SERINC3: variants seen among roughly 807,000 people sequenced by gnomAD.
SERINC3 encodes serine incorporator 3.
Under a neutral mutation model 52.1 loss-of-function variants are expected in SERINC3, and 22 were observed. That is an observed-to-expected ratio of 0.42 (90% CI 0.30 to 0.60). The LOEUF (loss-of-function observed/expected upper bound fraction) is 0.60. SERINC3 is among the 20% of genes least tolerant of loss of function. SERINC3 has a pLI of 0.16. For missense variants in SERINC3, 564 were observed against 584.6 expected, an observed-to-expected ratio of 0.96 and a Z score of 0.36; for synonymous variants, 226 against 212.7, an observed-to-expected ratio of 1.06 and a Z score of -0.54.
chr20:44,501,975 A>C (rs1438377905), intron 8 of SERINC3, among the ~76,000 whole-genome samples: 1 of 152,248 alleles, frequency 6.6e-6, no homozygotes, highest in Non-Finnish European at 1.5e-5. Flanking sequence ...GTCAAAGTAG[A>C]ACTTCCTCAG....
chr20:44,507,065 C>T, intron 5 of SERINC3, 69 bp from the exon 6 acceptor site: 1 of 1,196,606 alleles, frequency 8.4e-7, no homozygotes, highest in Non-Finnish European at 1.1e-6. Flanking sequence ...CAATTTTCTT[C>T]CACTCCATAT....
At chr20:44,504,188 AAAC>A (rs773035726) in intron 7 of SERINC3, among the ~76,000 whole-genome samples, 193 bp from the exon 8 acceptor site, 2 of 152,208 alleles carry the variant, frequency 1.3e-5, no homozygotes, top group African/African-American at 2.4e-5. Context: ...AAAAAAAAGA[AAAC>A]AACAACAGAA....
chr20:44,498,681 A>G lies in SERINC3; in HGVS notation c.*1615T>C, dbSNP rs1023498077. On this transcript the variant is annotated 3_prime_UTR_variant, in exon 10 of 10. Coordinates refer to ENST00000342374, the MANE Select transcript of SERINC3 (RefSeq NM_006811.4). Reference sequence around the variant, plus strand: ...ATTCCACTTCTCTATTTCACATCTCATATGGACTGCACCTGGTCTCATCTC... The same window carrying G: ...ATTCCACTTCTCTATTTCACATCTCGTATGGACTGCACCTGGTCTCATCTC... 1.3e-5 allele frequency: 2 copies of G among 152,078 alleles called. No individual in the cohort carries two copies. The highest frequency in any genetic ancestry group is 2.9e-5 in the Non-Finnish European group (2 of 68,044). 9.4% of individuals were successfully genotyped at this position (152,078 alleles called of 1,614,324 possible). A position where few individuals can be genotyped will look rare whatever the true frequency, so the allele number is the denominator to read the frequency against.
chr20:44,510,041 A>G lies in SERINC3; in HGVS notation c.476-13T>C, dbSNP rs972021008. On this transcript the variant is annotated splice_polypyrimidine_tract_variant and intron_variant, in intron 4 of 9. Coordinates refer to ENST00000342374, the MANE Select transcript of SERINC3 (RefSeq NM_006811.4). ...ACAACAAACCAGACTACAAGAACCAAGAGAACAAAGTTATTCTCTACCATA... is the reference window on the plus strand; with the variant it reads ...ACAACAAACCAGACTACAAGAACCAGGAGAACAAAGTTATTCTCTACCATA... 3.7e-6 allele frequency: 6 copies of G among 1,613,338 alleles called. No individual in the cohort carries two copies. The African/African-American group carries it at 6.7e-5, about 18-fold the overall frequency.
intron 4 of SERINC3, 140 bp downstream of exon 4, chr20:44,511,149 G>A (rs763954744): frequency 1.9e-5 from 11 of 593,272 alleles, no homozygotes; most frequent in Non-Finnish European, 3.3e-5. Flanking sequence ...CCTGACCTCA[G>A]GTGATCCGCC....
intron 1 of SERINC3, among the ~76,000 whole-genome samples, chr20:44,517,470 T>C (rs752266813): frequency 2.0e-5 from 3 of 152,128 alleles, no homozygotes; most frequent in Non-Finnish European, 2.9e-5. Flanking sequence ...AATATAACTG[T>C]GTCCTTATAA....
At chr20:44,513,029 C>T (rs2064358413) in intron 2 of SERINC3, 35 bp from the exon 3 acceptor site, 2 of 1,413,988 alleles carry the variant, frequency 1.4e-6, no homozygotes, top group Non-Finnish European at 1.9e-6. Context: ...ACGAGAATAT[C>T]TACATTTAGA....
intron 7 of SERINC3, among the ~76,000 whole-genome samples, chr20:44,504,557 A>G (rs1367724377): frequency 1.3e-5 from 2 of 152,238 alleles, no homozygotes; most frequent in East Asian, 3.8e-4. Context: ...AGCCTAGGTT[A>G]GGTAAAGCCT....
intron 3 of SERINC3, among the ~76,000 whole-genome samples, chr20:44,511,708 C>G (rs545347437): frequency 7.2e-5 from 11 of 152,178 alleles, no homozygotes; most frequent in Non-Finnish European, 5.9e-5. Context: ...CAGCCATTAA[C>G]TGTTAAGGTC....
At position 44,506,864 on chromosome 20, in the gene SERINC3, A is replaced by G. The variant is rs750172297; in HGVS notation, c.746T>C (p.Val249Ala). 6 of 1,599,754 alleles carry G rather than the reference A, an allele frequency of 3.8e-6. No individual in the cohort carries two copies. Among genetic ancestry groups the G allele is most frequent in the Middle Eastern group, 1.7e-4 (1 of 6,044 alleles). ...GTGGATCGATATAATAGAAGCCACA[A>G]CGCAAAGGATCAGGTTAATACTGAT... ...FFISINLILC[V>A]VASIISIHPK... Residue 249 changes from valine (V) to alanine (A), a missense_variant, in exon 6 of 10, where the codon GTT becomes GCT. By Grantham distance (64) the Val-to-Ala change is moderately conservative. Coordinates refer to ENST00000342374, the MANE Select transcript of SERINC3 (RefSeq NM_006811.4).
At position 44,522,023 on chromosome 20, in the gene SERINC3, G is replaced by A. The variant is rs1174709712; in HGVS notation, c.-72C>T. On this transcript the variant is annotated 5_prime_UTR_variant, in exon 1 of 10. Coordinates refer to ENST00000342374, the MANE Select transcript of SERINC3 (RefSeq NM_006811.4). ...CACGGTGGTAACTGCCAGCTGAGGT[G>A]ACTCCCCAGAAACATGACGGTTTCT... is the stretch of plus-strand genomic sequence containing the variant. 3 of 1,456,622 alleles carry A rather than the reference G, an allele frequency of 2.1e-6. No individual in the cohort carries two copies. The highest frequency in any genetic ancestry group is 1.2e-5 in the South Asian group (1 of 81,524). 90.2% of individuals were successfully genotyped at this position (1,456,622 alleles called of 1,614,324 possible). A position where few individuals can be genotyped will look rare whatever the true frequency, so the allele number is the denominator to read the frequency against.
intron 8 of SERINC3, among the ~76,000 whole-genome samples, chr20:44,502,990 TA>T (rs1230416742): frequency 6.6e-6 from 1 of 152,146 alleles, no homozygotes; most frequent in Non-Finnish European, 1.5e-5. Flanking sequence ...AAGAATAAAA[TA>T]CTTAGAATTG....
At chr20:44,501,008 G>T in intron 9 of SERINC3, 65 bp downstream of exon 9, 1 of 1,189,816 alleles carries the variant, frequency 8.4e-7, no homozygotes, top group Non-Finnish European at 1.2e-6. Flanking sequence ...CAGGACAATG[G>T]ATGAGATTTT....
intron 8 of SERINC3, 42 bp downstream of exon 8, chr20:44,503,773 C>A: frequency 7.0e-7 from 1 of 1,433,748 alleles, no homozygotes; most frequent in South Asian, 1.4e-5. Flanking sequence ...ACTTTATTAT[C>A]AACCTCCATG....
At chr20:44,508,163 C>T (rs1474646083) in intron 5 of SERINC3, among the ~76,000 whole-genome samples, 1 of 152,152 alleles carries the variant, frequency 6.6e-6, no homozygotes, top group Non-Finnish European at 1.5e-5. Context: ...ATAAATTCTT[C>T]TAGAGTTGTA....
At chr20:44,503,345 C>T (rs998574522) in intron 8 of SERINC3, among the ~76,000 whole-genome samples, 6 of 152,156 alleles carry the variant, frequency 3.9e-5, no homozygotes, top group African/African-American at 1.4e-4. Flanking sequence ...CTCATACTTC[C>T]TAATTTCAAA....
chr20:44,504,130 A>G (rs998068836), intron 7 of SERINC3, 135 bp from the exon 8 acceptor site: 26 of 604,050 alleles, frequency 4.3e-5, no homozygotes, highest in Non-Finnish European at 7.1e-5. Context: ...TCTGAAACTT[A>G]GCAGTCAGTA....
chr20:44,512,002 G>A (rs560111045), intron 3 of SERINC3, among the ~76,000 whole-genome samples: 4 of 152,224 alleles, frequency 2.6e-5, no homozygotes, highest in Admixed American at 2.0e-4. Context: ...TTTATAAAAC[G>A]CCATTCAGTC....
intron 1 of SERINC3, 160 bp from the exon 2 acceptor site, chr20:44,514,200 ATAT>A: frequency 2.8e-6 from 2 of 720,314 alleles, no homozygotes; most frequent in Non-Finnish European, 2.1e-6. Context: ...TCTGGAGTAA[ATAT>A]TATTTCTGCC....
Sources: allele counts gnomAD v4.1 joint callset (sites outside exome capture counted in the v4.1 genomes callset), GRCh38; gene constraint gnomAD v4.1.1; transcripts MANE v1.5; gene names NCBI Gene and HGNC (gene_info 2026-07-23, HGNC 2026-07-21).